Variants in CDH13 observed in about 807,000 individuals in gnomAD.
The protein encoded by CDH13 is cadherin 13.
Under a neutral mutation model 63.8 loss-of-function variants are expected in CDH13, and 24 were observed. The observed-to-expected ratio is 0.38, with a 90% CI of 0.27 to 0.53. The LOEUF is 0.53. CDH13 is among the 20% of genes least tolerant of loss of function. The pLI, the probability that CDH13 is intolerant of heterozygous loss-of-function variation, is 0.85. For synonymous variants in CDH13, 503 were observed against 355.3 expected, an observed-to-expected ratio of 1.42 and a Z score of -4.67; for missense variants, 1,049 against 903.1, an observed-to-expected ratio of 1.16 and a Z score of -2.07.
intron 2 of CDH13, among the ~76,000 whole-genome samples, chr16:82,948,627 C>G (rs1280713792): frequency 4.6e-5 from 7 of 152,162 alleles, no homozygotes; most frequent in African/African-American, 1.7e-4. Context: ...ATTCTAAGAA[C>G]AGAGTTGTTC....
intron 3 of CDH13, among the ~76,000 whole-genome samples, chr16:83,101,765 G>T (rs2034490087): frequency 6.6e-6 from 1 of 152,200 alleles, no homozygotes; most frequent in African/African-American, 2.4e-5. Context: ...CTGCACTCCA[G>T]CCTGGGAGAG....
chr16:83,154,116 T>C (rs1159060787), intron 4 of CDH13, among the ~76,000 whole-genome samples: 2 of 152,140 alleles, frequency 1.3e-5, no homozygotes, highest in Non-Finnish European at 2.9e-5. Context: ...ACATGTTCCA[T>C]TGAGAAATGG....
chr16:83,032,512 C>T (rs1304533234), intron 3 of CDH13, among the ~76,000 whole-genome samples: 2 of 152,116 alleles, frequency 1.3e-5, no homozygotes, highest in African/African-American at 4.8e-5. Context: ...CTGTGCATCT[C>T]GTGGCTCCAT....
At chr16:83,359,353 A>T (rs2091117620) in intron 6 of CDH13, among the ~76,000 whole-genome samples, 1 of 152,196 alleles carries the variant, frequency 6.6e-6, no homozygotes, top group African/African-American at 2.4e-5. Context: ...GTGAGCAAGT[A>T]GATATCAGGC....
intron 7 of CDH13, among the ~76,000 whole-genome samples, chr16:83,513,646 T>C (rs1020545854): frequency 2.6e-5 from 4 of 152,062 alleles, no homozygotes; most frequent in African/African-American, 9.7e-5. Context: ...TATAAAACCG[T>C]GAGATCTCTT....
At chr16:82,704,973 TC>T (rs1165317564) in intron 1 of CDH13, 1 of 353,856 alleles carries the variant, frequency 2.8e-6, no homozygotes, top group Non-Finnish European at 5.6e-6. Flanking sequence ...GGAGACAATG[TC>T]TCTTGCTGCT....
intron 3 of CDH13, among the ~76,000 whole-genome samples, chr16:83,033,386 C>A (rs150070567): frequency 6.6e-6 from 1 of 152,234 alleles, no homozygotes; most frequent in East Asian, 1.9e-4. Flanking sequence ...ATAAGCTGCC[C>A]AACCTACTCA....
At chr16:83,228,528 G>A (rs1301816183) in intron 5 of CDH13, among the ~76,000 whole-genome samples, 1 of 152,350 alleles carries the variant, frequency 6.6e-6, no homozygotes, top group East Asian at 1.9e-4. Context: ...TATCTTGTGA[G>A]GAGGGTCATG....
chr16:83,018,515 C>T (rs1463785891), intron 2 of CDH13, among the ~76,000 whole-genome samples: 3 of 152,170 alleles, frequency 2.0e-5, no homozygotes, highest in Non-Finnish European at 2.9e-5. Context: ...CATATAGGTT[C>T]CACTTGAAAG....
chr16:82,730,532 T>C (rs1189561118), intron 1 of CDH13, among the ~76,000 whole-genome samples: 1 of 152,166 alleles, frequency 6.6e-6, no homozygotes, highest in East Asian at 1.9e-4. Flanking sequence ...ACAGTTACAA[T>C]AGTAACATCA....
intron 2 of CDH13, among the ~76,000 whole-genome samples, chr16:82,885,490 T>TCCATCCATCCACCCATCCAC (rs1597900690): frequency 2.1e-5 from 3 of 144,232 alleles, no homozygotes; most frequent in Middle Eastern, 3.5e-3. Context: ...CACCCATCCA[T>TCCATCCATCCACCCATCCAC]CCATCCATCC....
chr16:83,380,605 A>G (rs2091546179), intron 6 of CDH13, among the ~76,000 whole-genome samples: 1 of 152,182 alleles, frequency 6.6e-6, no homozygotes, highest in Admixed American at 6.5e-5. Flanking sequence ...GTCATTTGGG[A>G]CAAAATTCTA....
chr16:82,660,646 C>T (rs949326704), intron 1 of CDH13, among the ~76,000 whole-genome samples: 2 of 152,162 alleles, frequency 1.3e-5, no homozygotes, highest in African/African-American at 2.4e-5. Flanking sequence ...AGCCCTTTCA[C>T]TGTATACCTG....
At chr16:82,664,288 T>C in intron 1 of CDH13, among the ~76,000 whole-genome samples, 1 of 152,250 alleles carries the variant, frequency 6.6e-6, no homozygotes, top group Non-Finnish European at 1.5e-5. Context: ...AGGAGGGTTG[T>C]TGGAAGACAA....
intron 6 of CDH13, among the ~76,000 whole-genome samples, chr16:83,374,044 G>C (rs1202404828): frequency 6.6e-6 from 1 of 152,232 alleles, no homozygotes; most frequent in Non-Finnish European, 1.5e-5. Context: ...AGGGGAGGCA[G>C]TGGAGGGTAC....
At chr16:83,456,519 G>A (rs1482495353) in intron 6 of CDH13, among the ~76,000 whole-genome samples, 1 of 152,168 alleles carries the variant, frequency 6.6e-6, no homozygotes. Context: ...GCCCTTTGTG[G>A]GTTCAGAGGC....
intron 3 of CDH13, among the ~76,000 whole-genome samples, chr16:83,119,815 CA>C (rs369788774): frequency 6.6e-6 from 1 of 152,156 alleles, no homozygotes; most frequent in African/African-American, 2.4e-5. Context: ...GCAGAACACA[CA>C]AACTCATTAG....
At chr16:83,647,537 C>T (rs934897402) in intron 8 of CDH13, among the ~76,000 whole-genome samples, 6 of 152,112 alleles carry the variant, frequency 3.9e-5, no homozygotes, top group African/African-American at 1.4e-4. Context: ...TGCATGCATG[C>T]GTGTGTGTGT....
chr16:83,217,003 G>A (rs1419378007), intron 4 of CDH13, among the ~76,000 whole-genome samples: 1 of 151,968 alleles, frequency 6.6e-6, no homozygotes, highest in Non-Finnish European at 1.5e-5. Context: ...TTTGTTTGCA[G>A]ATAAATATTT....
Sources: gnomAD v4.1 joint callset for allele counts (sites outside exome capture counted in the v4.1 genomes callset) on GRCh38, gnomAD v4.1.1 for gene constraint, MANE v1.5 for transcripts, NCBI Gene and HGNC (gene_info 2026-07-23, HGNC 2026-07-21) for gene names.